UPK1A: variants seen among roughly 807,000 people sequenced by gnomAD.
The protein encoded by UPK1A is uroplakin 1A.
In UPK1A, 31 loss-of-function variants were observed where a neutral mutation model predicts 32.3. That is an observed-to-expected ratio of 0.96 (90% CI 0.72 to 1.30). The LOEUF is 1.30. Ranked by LOEUF, UPK1A falls within the 50% of genes most tolerant of loss-of-function variation. The pLI is 0.00. For missense variants in UPK1A, 340 were observed against 357.4 expected, an observed-to-expected ratio of 0.95 and a Z score of 0.39; for synonymous variants, 135 against 137.1, an observed-to-expected ratio of 0.98 and a Z score of 0.11.
chr19:35,674,526 C>G (rs1379680219), intron 5 of UPK1A, among the ~76,000 whole-genome samples: 2 of 151,972 alleles, frequency 1.3e-5, no homozygotes, highest in East Asian at 3.9e-4. Flanking sequence ...CTTGAGCCAC[C>G]GTGCCCAGCC....
intron 6 of UPK1A, among the ~76,000 whole-genome samples, 194 bp from the exon 7 acceptor site, chr19:35,677,617 GC>G (rs2146390591): frequency 6.6e-6 from 1 of 152,194 alleles, no homozygotes; most frequent in Non-Finnish European, 1.5e-5. Context: ...CTTGTGCAGG[GC>G]CTGGGTTCAA....
intron 2 of UPK1A, 65 bp downstream of exon 2, chr19:35,666,961 C>T (rs544670673): frequency 2.1e-4 from 317 of 1,530,228 alleles, no homozygotes; most frequent in Non-Finnish European, 2.7e-4. Flanking sequence ...GTCCTGAGCT[C>T]GGGGTGGGGG....
intron 4 of UPK1A, 62 bp downstream of exon 4, chr19:35,673,368 C>A (rs1362662489): frequency 3.1e-6 from 5 of 1,610,700 alleles, no homozygotes; most frequent in Non-Finnish European, 4.2e-6. Context: ...GGTCCCGGCG[C>A]GGCGGGGCGG....
At chr19:35,675,787 G>A in intron 5 of UPK1A, 53 bp from the exon 6 acceptor site, 1 of 1,544,760 alleles carries the variant, frequency 6.5e-7, no homozygotes, top group Non-Finnish European at 8.8e-7. Flanking sequence ...CCTCAGGCAA[G>A]CAACTGTCCT....
intron 1 of UPK1A, 129 bp from the exon 2 acceptor site, chr19:35,666,680 G>C: frequency 1.1e-6 from 1 of 884,484 alleles, no homozygotes; most frequent in Non-Finnish European, 1.8e-6. Context: ...CAGGGCTGTG[G>C]GTACATCAGT....
rs933281340 is a variant in UPK1A at position 35,668,715 on chromosome 19, A to T, written c.285+61A>T. 1.5e-5 allele frequency: 22 copies of T among 1,515,782 alleles called. 1 individual carries two copies. In the African/African-American group the frequency reaches 2.5e-4, roughly 17 times the overall value. 93.9% of individuals were successfully genotyped at this position (1,515,782 alleles called of 1,614,324 possible). A position where few individuals can be genotyped will look rare whatever the true frequency, so the allele number is the denominator to read the frequency against. ...AAACGGAGTTCAGCATCACTGAGTC[A>T]TAGTAGCAGGTGCAGCCCCAGCCAC... is the stretch of plus-strand genomic sequence containing the variant. On this transcript the variant is annotated intron_variant, in intron 3 of 7. Transcript: ENST00000617999.
chr19:35,673,505 G>A (rs1391298148), exon 5 of UPK1A: 1 of 1,612,804 alleles, frequency 6.2e-7, no homozygotes. Flanking sequence ...ACCGACCAGG[G>A]CCAGGAGCTG....
At chr19:35,667,117 C>T (rs1488863362) in intron 2 of UPK1A, among the ~76,000 whole-genome samples, 3 of 152,086 alleles carry the variant, frequency 2.0e-5, no homozygotes, top group South Asian at 2.1e-4. Context: ...AGACTGTGTC[C>T]TCATTGTGTG....
intron 3 of UPK1A, among the ~76,000 whole-genome samples, chr19:35,671,436 AAG>A (rs1968097693): frequency 7.0e-6 from 1 of 143,098 alleles, no homozygotes; most frequent in Admixed American, 7.4e-5. Flanking sequence ...GTCATTAACT[AAG>A]ACATTTTCTC....
At chr19:35,669,846 CTG>C (rs1369567080) in intron 3 of UPK1A, among the ~76,000 whole-genome samples, 1 of 152,184 alleles carries the variant, frequency 6.6e-6, no homozygotes, top group East Asian at 1.9e-4. Context: ...AGAGACAGCA[CTG>C]TGTTTCCTCG....
At chr19:35,669,894 A>G (rs963383626) in intron 3 of UPK1A, among the ~76,000 whole-genome samples, 2 of 152,090 alleles carry the variant, frequency 1.3e-5, no homozygotes, top group Non-Finnish European at 2.9e-5. Context: ...AGAAGCAGCC[A>G]CTCATTTGAT....
chr19:35,677,088 G>T (rs1188416667), intron 6 of UPK1A, among the ~76,000 whole-genome samples: 1 of 151,986 alleles, frequency 6.6e-6, no homozygotes, highest in African/African-American at 2.4e-5. Context: ...GCCAGGCGTG[G>T]TGGTGCGCGC....
At chr19:35,675,402 C>T (rs1968165603) in intron 5 of UPK1A, among the ~76,000 whole-genome samples, 2 of 152,104 alleles carry the variant, frequency 1.3e-5, no homozygotes, top group South Asian at 4.2e-4. Context: ...CTGCCCCAGC[C>T]TCTCAAGTAG....
At chr19:35,675,033 C>T (rs901496459) in intron 5 of UPK1A, among the ~76,000 whole-genome samples, 6 of 142,936 alleles carry the variant, frequency 4.2e-5, no homozygotes, top group Non-Finnish European at 9.1e-5. Flanking sequence ...CAGAGGGAGA[C>T]TCCGTCTCAA....
intron 1 of UPK1A, 102 bp downstream of exon 1, chr19:35,666,640 G>T (rs1968001005): frequency 3.2e-6 from 2 of 628,508 alleles, no homozygotes; most frequent in Non-Finnish European, 5.5e-6. Context: ...CCGGAGCCCG[G>T]GTGTCCTCTT....
exon 3 of UPK1A, chr19:35,668,621 C>T (rs148681136): frequency 6.0e-5 from 97 of 1,613,790 alleles, no homozygotes; most frequent in Middle Eastern, 1.7e-4. Context: ...GTGTGGGTGC[C>T]GCACTCTGCC....
chr19:35,675,755 C>T (rs1568348638), intron 5 of UPK1A, 85 bp from the exon 6 acceptor site: 2 of 1,483,568 alleles, frequency 1.3e-6, no homozygotes, highest in Non-Finnish European at 1.8e-6. Context: ...AAAGGCCAAT[C>T]CTGCCCCTCC....
chr19:35,668,605 G>A (rs773828381), exon 3 of UPK1A: 4 of 1,614,016 alleles, frequency 2.5e-6, no homozygotes, highest in African/African-American at 1.3e-5. Flanking sequence ...ATGGTAGCCA[G>A]TTTTGGTGTG....
In UPK1A at chr19:35,668,438, C is replaced by A; in HGVS notation, c.85-16C>A. 1 of 1,613,930 alleles carries A rather than the reference C, an allele frequency of 6.2e-7. No homozygotes were observed. The highest frequency in any genetic ancestry group is 8.5e-7 in the Non-Finnish European group (1 of 1,180,038). ...CTGGCCCCGAGCAGACCTTCCTAAC[C>A]CACCGCTCTGTCCAGCTGTCAGGCC... On this transcript the variant is annotated splice_polypyrimidine_tract_variant and intron_variant, in intron 2 of 7. Transcript: ENST00000617999.
Sources: allele counts gnomAD v4.1 joint callset (sites outside exome capture counted in the v4.1 genomes callset), GRCh38; gene constraint gnomAD v4.1.1; transcripts MANE v1.5; gene names NCBI Gene and HGNC (gene_info 2026-07-23, HGNC 2026-07-21).